ZC3H4: variants seen among roughly 807,000 people sequenced by gnomAD.
The protein encoded by ZC3H4 is zinc finger CCCH domain-containing protein 4.
Under a neutral mutation model 108.3 loss-of-function variants are expected in ZC3H4, and 13 were observed. That is an observed-to-expected ratio of 0.12 (90% confidence interval 0.08 to 0.19). The LOEUF (loss-of-function observed/expected upper bound fraction) is 0.19, where lower values mean the gene tolerates loss of function less well. ZC3H4 is among the 10% of genes least tolerant of loss of function. ZC3H4 has a pLI of 1.00. For synonymous variants in ZC3H4, 917 were observed against 749.6 expected, an observed-to-expected ratio of 1.22 and a Z score of -3.65; for missense variants, 1,734 against 1,838.8, an observed-to-expected ratio of 0.94 and a Z score of 1.04.
chr19:47,067,522 T>G lies in ZC3H4; in HGVS notation c.2746A>C (p.Lys916Gln), dbSNP rs1396440963. The change falls in exon 15 of 15, where the codon AAG becomes CAG. Residue 916 changes from lysine (K) to glutamine (Q), a missense_variant. Physicochemically the swap from Lys to Gln is moderately conservative, Grantham distance 53 (BLOSUM62 1). Around this residue, in one of 9 missense-constraint regions of ZC3H4, gnomAD observed 540 missense variants for 484.1 expected, o/e 1.12. Transcript: ENST00000253048. The surrounding 1 kb of genome is among the most constrained non-coding windows in gnomAD (Gnocchi z 6.4). Reference sequence around the variant, plus strand: ...TCCGTTGGGGGCGGCCCAGACCCCTTGGAACTGCTGGGGCCCACAGGGCTG... The same window carrying G: ...TCCGTTGGGGGCGGCCCAGACCCCTGGGAACTGCTGGGGCCCACAGGGCTG... Reference protein sequence around the residue: ...HSSPVGPSSSKGSGPPPTEEE... With the variant: ...HSSPVGPSSSQGSGPPPTEEE... The G allele has an allele frequency of 6.3e-7, 1 of 1,594,876 alleles. No homozygotes were observed. Among genetic ancestry groups the G allele is most frequent in the Non-Finnish European group, 8.5e-7 (1 of 1,170,378 alleles).
At chr19:47,069,471 G>GCCC in intron 13 of ZC3H4, 128 bp from the exon 14 acceptor site, 3 of 1,236,330 alleles carry the variant, frequency 2.4e-6, no homozygotes, top group Non-Finnish European at 3.3e-6. Context: ...GCCCCTGCCT[G>GCCC]CCCTCCCCAG....
chr19:47,069,132 C>G lies in ZC3H4; in HGVS notation c.2358G>C (p.Arg786Ser). ...GGTCCTGCTTGCTGCTCTCAGCCAG[C>G]CTCCTCGCTCTCTCCTCCTCCTCCT... ...KQQEEEERAR[R>S]LAESSKQDRE... Residue 786 changes from arginine to serine, a missense_variant, in exon 14 of 15, where the codon AGG (arginine) becomes AGC (serine). Arg to Ser is a moderately radical substitution (Grantham distance 110). Around this residue, in one of 9 missense-constraint regions of ZC3H4, gnomAD observed 540 missense variants for 484.1 expected, o/e 1.12. Coordinates refer to ENST00000253048, the MANE Select transcript of ZC3H4 (RefSeq NM_015168.2). 1 of 1,605,630 alleles carries G rather than the reference C, an allele frequency of 6.2e-7. No individual in the cohort carries two copies. Among genetic ancestry groups the G allele is most frequent in the Admixed American group, 1.7e-5 (1 of 60,024 alleles).
chr19:47,082,249 C>T lies in ZC3H4; in HGVS notation c.1265G>A (p.Arg422Gln), dbSNP rs902269734. 3 of 1,614,084 alleles carry T rather than the reference C, an allele frequency of 1.9e-6. No individual in the cohort carries two copies. Among genetic ancestry groups the T allele is most frequent in the African/African-American group, 1.3e-5 (1 of 75,034 alleles). ...AGTGATGTAAAACTTGCACAGTTCT[C>T]GCTTCTTTGGGAGTTCGATGTCATG... ...FSHDIELPKK[R>Q]ELCKFYITGF... The change falls in exon 10 of 15, where the codon CGA becomes CAA. Residue 422 changes from arginine to glutamine, a missense_variant. Physicochemically the swap from Arg to Gln is conservative, Grantham distance 43. Around this residue, in one of 9 missense-constraint regions of ZC3H4, gnomAD observed 66 missense variants for 166.8 expected, o/e 0.40. Transcript: ENST00000253048.
chr19:47,074,731 C>T (rs908276543), intron 11 of ZC3H4, among the ~76,000 whole-genome samples: 3 of 152,336 alleles, frequency 2.0e-5, no homozygotes, highest in Admixed American at 6.5e-5. Flanking sequence ...CTAGTGAAAA[C>T]CCTGGGCGCT....
rs2057182022 is a variant in ZC3H4, at chr19:47,065,583, A to C, written c.*773T>G. 6.5e-6 allele frequency: 1 copy of C among 152,724 alleles called. No homozygotes were observed. The highest frequency in any genetic ancestry group is 2.1e-4 in the South Asian group (1 of 4,830). 9.5% of individuals were successfully genotyped at this position (152,724 alleles called of 1,614,324 possible). A position where few individuals can be genotyped will look rare whatever the true frequency, so the allele number is the denominator to read the frequency against. On this transcript the variant is annotated 3_prime_UTR_variant, in exon 15 of 15. Transcript: ENST00000253048. ...TGCGTGCTCCTAGGGGCTGCCTCCT[A>C]GAGGTGGCTCTTCAGGACTCTGCCC...
intron 13 of ZC3H4, among the ~76,000 whole-genome samples, chr19:47,070,564 TGAA>T (rs1439475041): frequency 1.3e-5 from 2 of 152,152 alleles, no homozygotes; most frequent in Non-Finnish European, 2.9e-5. Flanking sequence ...ACGCATTTGT[TGAA>T]GGGGGAGGAG....
chr19:47,066,693 C>T lies in ZC3H4; in HGVS notation c.3575G>A (p.Arg1192His), dbSNP rs745429619. The T allele has an allele frequency of 6.8e-6, 11 of 1,609,342 alleles. No homozygotes were observed. The highest frequency in any genetic ancestry group is 6.8e-6 in the Non-Finnish European group (8 of 1,178,690). ...CTCTGGCTGTTCCAGGGCAGACTTG[C>T]GGACGAACGGGGGCTCCTTAGCCTT... ...ASKAKEPPFV[R>H]KSALEQPETG... The change falls in exon 15 of 15, where the codon CGC (arginine) becomes CAC (histidine). Residue 1192 changes from arginine (R) to histidine (H), a missense_variant. Coordinates refer to ENST00000253048, the MANE Select transcript of ZC3H4 (RefSeq NM_015168.2).
intron 11 of ZC3H4, among the ~76,000 whole-genome samples, chr19:47,076,347 TCACA>T (rs951181730): frequency 6.8e-6 from 1 of 146,722 alleles, no homozygotes; most frequent in Non-Finnish European, 1.5e-5. Flanking sequence ...ACACACACAC[TCACA>T]CTCTTAAAGC....
intron 4 of ZC3H4, 47 bp downstream of exon 4, chr19:47,093,923 G>C (rs779383492): frequency 5.2e-6 from 8 of 1,540,430 alleles, no homozygotes; most frequent in Non-Finnish European, 7.1e-6. Flanking sequence ...ACAAGCAGTT[G>C]AACTCCTCCC....
chr19:47,093,802 T>C (rs749714081), intron 4 of ZC3H4, 168 bp downstream of exon 4: 24 of 522,726 alleles, frequency 4.6e-5, no homozygotes, highest in Non-Finnish European at 6.9e-5. Flanking sequence ...CTTGTTGAAA[T>C]TGTCTAAGTT....
chr19:47,107,497 A>G (rs1457981361), intron 2 of ZC3H4, among the ~76,000 whole-genome samples: 3 of 152,102 alleles, frequency 2.0e-5, no homozygotes, highest in Non-Finnish European at 4.4e-5. Context: ...TCCGACATTC[A>G]AAAAGATGTC....
At chr19:47,084,199 C>T (rs2057573791) in intron 9 of ZC3H4, 146 bp downstream of exon 9, 3 of 719,122 alleles carry the variant, frequency 4.2e-6, no homozygotes, top group South Asian at 1.8e-5. Context: ...GCCCAGGCAA[C>T]TCCCAGTATC....
intron 9 of ZC3H4, among the ~76,000 whole-genome samples, 158 bp from the exon 10 acceptor site, chr19:47,082,453 G>C (rs1042060410): frequency 6.6e-6 from 1 of 152,156 alleles, no homozygotes; most frequent in African/African-American, 2.4e-5. Context: ...AGGAAGGGCA[G>C]GTCCCAAAGG....
At chr19:47,110,090 T>G (rs777164470) in intron 2 of ZC3H4, among the ~76,000 whole-genome samples, 2 of 152,066 alleles carry the variant, frequency 1.3e-5, no homozygotes, top group Non-Finnish European at 2.9e-5. Flanking sequence ...CTTGACACAG[T>G]TTACAGATTT....
rs1459274920 is a variant in ZC3H4 at position 47,112,569 on chromosome 19, C to T, written c.16G>A (p.Gly6Arg). MEAAP[G>R]TPPPPPSESP... ...TCTGATGGCGGCGGCGGGGGGGTCC[C>T]GGGCGCGGCCTCCATAGTTCCTTTG... Residue 6 changes from glycine (G) to arginine (R), a missense_variant, in exon 2 of 15, where the codon GGG (glycine) becomes AGG (arginine). Transcript: ENST00000253048. 8 of 1,134,302 alleles carry T rather than the reference C, an allele frequency of 7.1e-6. No homozygotes were observed. The African/African-American group carries it at 9.6e-5, about 14-fold the overall frequency. 70.3% of individuals were successfully genotyped at this position (1,134,302 alleles called of 1,614,324 possible).
chr19:47,077,861 CAAAAAAAAAA>C (rs767129835), intron 11 of ZC3H4, among the ~76,000 whole-genome samples: 1 of 72,298 alleles, frequency 1.4e-5, no homozygotes, highest in Non-Finnish European at 3.3e-5. Flanking sequence ...CCGTCTCAAA[CAAAAAAAAAA>C]AAAAAAAAGA....
chr19:47,093,851 C>T lies in ZC3H4; in HGVS notation c.492+119G>A, dbSNP rs1024950712. The T allele has an allele frequency of 5.2e-6, 4 of 770,648 alleles. No individual in the cohort carries two copies. In the African/African-American group the frequency reaches 5.2e-5, roughly 10 times the overall value. The allele number at this position is 770,648 out of a possible 1,614,324, so 47.7% of individuals were successfully genotyped here. On this transcript the variant is annotated intron_variant, in intron 4 of 14. Coordinates refer to ENST00000253048, the MANE Select transcript of ZC3H4 (RefSeq NM_015168.2). ...TCATAAAATGGGGATTAAATTAATA[C>T]CTGATGGCCCAGGACTGAAACTCAC...
At chr19:47,084,216 T>A (rs2057574253) in intron 9 of ZC3H4, 129 bp downstream of exon 9, 1 of 830,840 alleles carries the variant, frequency 1.2e-6, no homozygotes, top group South Asian at 1.7e-5. Flanking sequence ...TATCGGCAAG[T>A]GTCCACAAGG....
intron 13 of ZC3H4, among the ~76,000 whole-genome samples, chr19:47,070,360 C>T (rs897066006): frequency 6.6e-6 from 1 of 152,170 alleles, no homozygotes; most frequent in Admixed American, 6.5e-5. Context: ...CAGCGCAGAG[C>T]TGGGACCCAC....
Sources: allele counts gnomAD v4.1 joint callset (sites outside exome capture counted in the v4.1 genomes callset), GRCh38; gene constraint gnomAD v4.1.1; regional missense constraint gnomAD v4.1.1; non-coding constraint Gnocchi (gnomAD v3.1); transcripts MANE v1.5; gene names NCBI Gene and HGNC (gene_info 2026-07-23, HGNC 2026-07-21).